Variants in DSCAM observed in about 807,000 individuals in gnomAD.
DSCAM encodes cell adhesion molecule DSCAM.
A neutral mutation model predicts 217.7 loss-of-function variants in DSCAM; 47 were observed. The observed-to-expected ratio is 0.22, with a 90% confidence interval of 0.17 to 0.28. The LOEUF is 0.28. Among genes scored for constraint, DSCAM ranks in the 10% least tolerant of loss-of-function variants. The pLI is 1.00. For missense variants in DSCAM, 2,080 were observed against 2,618.3 expected (o/e 0.79, Z 4.49); for synonymous variants, 1,056 against 1,015.3 (o/e 1.04, Z -0.76).
At chr21:40,772,926 A>T (rs1437742434) in intron 1 of DSCAM, among the ~76,000 whole-genome samples, 1 of 152,248 alleles carries the variant, frequency 6.6e-6, no homozygotes, top group Non-Finnish European at 1.5e-5. Context: ...AATAAAAAGC[A>T]GCTCCTGCTG....
In DSCAM at chr21:40,342,172, A is replaced by T. The variant is rs1304080894; in HGVS notation, c.1211-2757T>A. 3.3e-5 allele frequency among the ~76,000 whole-genome samples: 5 copies of T among 152,204 alleles called. 1 individual carries two copies. In the South Asian group the frequency reaches 1.0e-3, roughly 32 times the overall value. On this transcript the variant is annotated intron_variant, in intron 6 of 32. Coordinates refer to ENST00000400454, the MANE Select transcript of DSCAM (RefSeq NM_001389.5). ...TGTTTTTGATTTGTTGTGGAATACA[A>T]CAATTGAAATACAAGGAAATATATA... is the stretch of plus-strand genomic sequence containing the variant.
At chr21:40,560,189 G>C (rs187875607) in intron 3 of DSCAM, among the ~76,000 whole-genome samples, 2 of 152,262 alleles carry the variant, frequency 1.3e-5, no homozygotes, top group Admixed American at 1.3e-4. Flanking sequence ...CAGAGAGGCA[G>C]CATTTGCAGG....
At chr21:40,539,388 G>A (rs1407075900) in intron 3 of DSCAM, among the ~76,000 whole-genome samples, 5 of 151,952 alleles carry the variant, frequency 3.3e-5, no homozygotes, top group South Asian at 4.2e-4. Flanking sequence ...CCAGCTACTC[G>A]GAGAGGCTGA....
At chr21:40,050,777 T>C (rs1356690979) in intron 30 of DSCAM, among the ~76,000 whole-genome samples, 1 of 152,160 alleles carries the variant, frequency 6.6e-6, no homozygotes, top group East Asian at 1.9e-4. Flanking sequence ...CCAGTCTGGA[T>C]CATTTTTTAA....
At chr21:40,424,022 G>A (rs1467162111) in intron 3 of DSCAM, among the ~76,000 whole-genome samples, 1 of 151,866 alleles carries the variant, frequency 6.6e-6, no homozygotes, top group East Asian at 1.9e-4. Flanking sequence ...TAATAAATAA[G>A]CTAATATAAA....
At chr21:40,526,174 C>A (rs1054574457) in intron 3 of DSCAM, among the ~76,000 whole-genome samples, 2 of 152,224 alleles carry the variant, frequency 1.3e-5, no homozygotes, top group African/African-American at 4.8e-5. Context: ...TCCCATCAAC[C>A]TCCCAGCTGG....
intron 11 of DSCAM, among the ~76,000 whole-genome samples, chr21:40,253,885 T>A (rs1488177764): frequency 3.3e-5 from 5 of 152,208 alleles, no homozygotes; most frequent in Admixed American, 2.6e-4. Context: ...GGCATTTTCC[T>A]GAATGCTGTA....
At chr21:40,347,064 G>T (rs553293718) in intron 6 of DSCAM, among the ~76,000 whole-genome samples, 3 of 152,114 alleles carry the variant, frequency 2.0e-5, no homozygotes, top group South Asian at 2.1e-4. Flanking sequence ...ACTTTGGGGG[G>T]CCGAGGCGGG....
At position 40,530,916 on chromosome 21, in the gene DSCAM, TTCAA is replaced by T. The variant is rs530484584; in HGVS notation, c.509-161675_509-161672del. 8.7e-5 allele frequency among the ~76,000 whole-genome samples: 7 copies of T among 80,766 alleles called. No homozygotes were observed. In the East Asian group the frequency reaches 1.6e-3, roughly 18 times the overall value. The allele number at this position is 80,766 out of a possible 152,430, so 53.0% of individuals were successfully genotyped here. A position where few individuals can be genotyped will look rare whatever the true frequency, so the allele number is the denominator to read the frequency against. On this transcript the variant is annotated intron_variant, in intron 3 of 32. Coordinates refer to ENST00000400454, the MANE Select transcript of DSCAM (RefSeq NM_001389.5). The stretch of plus-strand genomic sequence containing the variant: ...ATCCATCCATCCATCCATCCATCCA[TTCAA>T]CCATCCATCCATCCATCCATCCATC...
intron 3 of DSCAM, among the ~76,000 whole-genome samples, chr21:40,503,401 A>G (rs192045545): frequency 4.6e-4 from 70 of 152,352 alleles, no homozygotes; most frequent in Admixed American, 1.0e-3. Flanking sequence ...TAGAAATGTT[A>G]TCTTTGAAAA....
intron 3 of DSCAM, among the ~76,000 whole-genome samples, chr21:40,444,203 A>C (rs1032145192): frequency 4.6e-5 from 7 of 152,024 alleles, no homozygotes; most frequent in African/African-American, 1.7e-4. Flanking sequence ...CCAATCTATC[A>C]TTTTTCCCAC....
chr21:40,308,468 C>G (rs766725226), intron 9 of DSCAM, among the ~76,000 whole-genome samples: 1 of 152,178 alleles, frequency 6.6e-6, no homozygotes, highest in African/African-American at 2.4e-5. Context: ...ATGTGAAGAA[C>G]AGTATTCAGC....
intron 3 of DSCAM, among the ~76,000 whole-genome samples, chr21:40,423,609 C>T (rs1330143805): frequency 6.6e-6 from 1 of 152,170 alleles, no homozygotes; most frequent in Non-Finnish European, 1.5e-5. Context: ...CTTTCCTGTT[C>T]TAAAGCTGTC....
chr21:40,758,002 G>A (rs544403351), intron 1 of DSCAM, among the ~76,000 whole-genome samples: 7 of 152,284 alleles, frequency 4.6e-5, no homozygotes, highest in Non-Finnish European at 8.8e-5. Context: ...GGATTACAAT[G>A]ATCTCTAATT....
At chr21:40,722,665 G>C (rs1346327235) in intron 1 of DSCAM, among the ~76,000 whole-genome samples, 3 of 152,004 alleles carry the variant, frequency 2.0e-5, no homozygotes, top group African/African-American at 7.2e-5. Flanking sequence ...CAAGATGATA[G>C]GTTTAAACGA....
rs184511414 is a variant in DSCAM at position 40,011,826 on chromosome 21, T to C, written c.*1208A>G. The C allele has an allele frequency of 6.6e-6, 1 of 152,256 alleles. No individual in the cohort carries two copies. The highest frequency in any genetic ancestry group is 6.5e-5 in the Admixed American group (1 of 15,298). The allele number at this position is 152,256 out of a possible 1,614,324, so 9.4% of individuals were successfully genotyped here. On this transcript the variant is annotated 3_prime_UTR_variant, in exon 33 of 33. Transcript: ENST00000400454. ...TCACAAATTTGCATACCAGGCATAG[T>C]GGAGATAGGAAAAGTCATGGAGGGT...
intron 4 of DSCAM, among the ~76,000 whole-genome samples, chr21:40,363,727 TC>T (rs1350270451): frequency 6.6e-6 from 1 of 152,096 alleles, no homozygotes; most frequent in Non-Finnish European, 1.5e-5. Flanking sequence ...GAAACTACCA[TC>T]AGAGTGAACA....
intron 19 of DSCAM, among the ~76,000 whole-genome samples, chr21:40,131,888 C>G (rs2090157795): frequency 6.6e-6 from 1 of 152,090 alleles, no homozygotes. Context: ...ACAAATTAGA[C>G]CTTGGGCCTT....
At chr21:40,804,783 T>A (rs2091771144) in intron 1 of DSCAM, among the ~76,000 whole-genome samples, 1 of 152,152 alleles carries the variant, frequency 6.6e-6, no homozygotes, top group African/African-American at 2.4e-5. Flanking sequence ...ACCTCTACTA[T>A]ATCCATTGCT....
Sources: allele counts gnomAD v4.1 joint callset (sites outside exome capture counted in the v4.1 genomes callset), GRCh38; gene constraint gnomAD v4.1.1; transcripts MANE v1.5; gene names NCBI Gene and HGNC (gene_info 2026-07-23, HGNC 2026-07-21).